The following FAM184A variants were observed in gnomAD, a reference collection of about 807,000 sequenced individuals.
The protein encoded by FAM184A is protein FAM184A.
Under a neutral mutation model 143.8 loss-of-function variants are expected in FAM184A, and 99 were observed. The ratio of observed to expected loss-of-function variants is 0.69; its 90% CI spans 0.58 to 0.81. The LOEUF (loss-of-function observed/expected upper bound fraction) is 0.81, where lower values mean the gene tolerates loss of function less well. Ranked by LOEUF, FAM184A falls within the 40% of genes least tolerant of loss-of-function variation. FAM184A has a pLI of 0.00. For synonymous variants in FAM184A, 427 were observed against 446.4 expected (o/e 0.96, Z 0.55); for missense variants, 1,217 against 1,310.5 (o/e 0.93, Z 1.10).
chr6:119,005,453 AC>A (rs1379164926), intron 7 of FAM184A: 3 of 152,228 alleles, frequency 2.0e-5, no homozygotes, highest in Non-Finnish European at 4.4e-5. Context: ...TTGAAATGTC[AC>A]CAATTCTGAA....
intron 1 of FAM184A, among the ~76,000 whole-genome samples, chr6:119,102,227 T>C (rs777264939): frequency 1.4e-4 from 21 of 152,102 alleles, no homozygotes; most frequent in Non-Finnish European, 2.4e-4. Flanking sequence ...TAATTTTCAA[T>C]GAAAAGAGTG....
chr6:119,009,262 T>TGATATG (rs1785020059), intron 6 of FAM184A, among the ~76,000 whole-genome samples: 1 of 152,224 alleles, frequency 6.6e-6, no homozygotes, highest in Non-Finnish European at 1.5e-5. Flanking sequence ...GGTTTGGCTG[T>TGATATG]GTCCCCACCC....
Position 119,042,182 on chromosome 6 carries a change from A to G in FAM184A, c.160-17369T>C, listed in dbSNP as rs976353980. ...GCCCAGAACCCAGAACCGGGGGTAC[A>G]TGGTAAGATCGGTAAAGCCTGGAAC... On this transcript the variant is annotated intron_variant, in intron 1 of 17. Transcript: ENST00000338891. Among the ~76,000 whole-genome samples the G allele has an allele frequency of 2.0e-5, 3 of 152,212 alleles. No homozygotes were observed. In the South Asian group the frequency reaches 6.2e-4, roughly 32 times the overall value.
chr6:118,975,192 CAT>C lies in FAM184A; in HGVS notation c.2598_2599del (p.Ile866MetfsTer2). On this transcript the variant is annotated frameshift_variant, in exon 13 of 18. Coordinates refer to ENST00000338891, the MANE Select transcript of FAM184A (RefSeq NM_024581.6). LOFTEE classifies it high-confidence loss of function. ...TTCCTCTTGTAGATCTGTAATTCTA[CAT>C]ATGTGCTCCTTACTCTGTTAAAAAA... 1 of 1,590,408 alleles carries C rather than the reference CAT, an allele frequency of 6.3e-7. No individual in the cohort carries two copies. The highest frequency in any genetic ancestry group is 8.6e-7 in the Non-Finnish European group (1 of 1,169,176).
rs951326941 is a variant in FAM184A, at chr6:119,078,417, C to T, written c.-118G>A. The T allele has an allele frequency of 6.6e-5, 71 of 1,073,080 alleles. No homozygotes were observed. In the Admixed American group the frequency reaches 2.8e-3, roughly 42 times the overall value. 66.5% of individuals were successfully genotyped at this position (1,073,080 alleles called of 1,614,324 possible). On this transcript the variant is annotated 5_prime_UTR_variant, in exon 1 of 18. Transcript: ENST00000338891. This position sits in a 1 kb window ranked among gnomAD's most constrained non-coding sequence, Gnocchi z 5.5. ...CGCTTCCCGACCCGACACCCGGCGC[C>T]CCCCAGACTCGGCCGCAGGCGCCGT... is the stretch of plus-strand genomic sequence containing the variant.
At chr6:119,006,222 C>T in intron 7 of FAM184A, 2 of 756,872 alleles carry the variant, frequency 2.6e-6, no homozygotes. Flanking sequence ...TAGGAAGGAA[C>T]ATAGCTGTGC....
intron 1 of FAM184A, among the ~76,000 whole-genome samples, chr6:119,092,900 G>T (rs534252831): frequency 5.3e-5 from 8 of 152,054 alleles, no homozygotes; most frequent in Admixed American, 2.6e-4. Flanking sequence ...TTTGTAGGCT[G>T]CCTATCCATC....
intron 1 of FAM184A, among the ~76,000 whole-genome samples, chr6:119,077,718 T>G (rs954058766): frequency 6.6e-6 from 1 of 152,242 alleles, no homozygotes; most frequent in African/African-American, 2.4e-5. Flanking sequence ...CTTAACTGAG[T>G]AACCAGTAAG....
chr6:118,965,070 T>C (rs900198867), intron 15 of FAM184A, among the ~76,000 whole-genome samples: 4 of 152,204 alleles, frequency 2.6e-5, no homozygotes, highest in Admixed American at 6.5e-5. Flanking sequence ...TGGGCAGGTT[T>C]ACAACTTACA....
chr6:119,079,812 G>A (rs1469305960), upstream of FAM184A, among the ~76,000 whole-genome samples: 2 of 152,116 alleles, frequency 1.3e-5, no homozygotes, highest in South Asian at 2.1e-4. Flanking sequence ...AGGTTTAATC[G>A]GACCCTGAAA....
chr6:119,130,876 G>C (rs1337435469), intron 1 of FAM184A, among the ~76,000 whole-genome samples: 1 of 86,488 alleles, frequency 1.2e-5, no homozygotes, highest in Non-Finnish European at 2.5e-5. Context: ...TTTTTTTTTT[G>C]AGATGGAGTC....
At chr6:119,141,346 C>T (rs1582650700) in intron 1 of FAM184A, among the ~76,000 whole-genome samples, 1 of 152,342 alleles carries the variant, frequency 6.6e-6, no homozygotes, top group Non-Finnish European at 1.5e-5. Flanking sequence ...TCACTTCTTC[C>T]TTCTGGCTGG....
intron 1 of FAM184A, among the ~76,000 whole-genome samples, chr6:119,032,725 C>G (rs1159607911): frequency 6.6e-6 from 1 of 152,100 alleles, no homozygotes; most frequent in African/African-American, 2.4e-5. Flanking sequence ...GAATACATAA[C>G]CACTACATGA....
chr6:119,029,385 C>T (rs916158690), intron 1 of FAM184A, among the ~76,000 whole-genome samples: 2 of 152,140 alleles, frequency 1.3e-5, no homozygotes, highest in Non-Finnish European at 1.5e-5. Flanking sequence ...AAATTTCCCT[C>T]GAAGCTTTGA....
At chr6:119,130,203 C>T (rs1789499343) in intron 1 of FAM184A, among the ~76,000 whole-genome samples, 1 of 152,096 alleles carries the variant, frequency 6.6e-6, no homozygotes, top group Admixed American at 6.6e-5. Flanking sequence ...ACTTAGAGCC[C>T]AAGGAAAATC....
chr6:119,025,501 C>A, intron 1 of FAM184A: 1 of 518,960 alleles, frequency 1.9e-6, no homozygotes, highest in Non-Finnish European at 3.8e-6. Flanking sequence ...TCCAAGCAAC[C>A]CAATTCCTTA....
At chr6:118,960,702 G>T in intron 17 of FAM184A, 1 of 784,358 alleles carries the variant, frequency 1.3e-6, no homozygotes, top group Non-Finnish European at 1.9e-6. Context: ...ATGTTATATA[G>T]TTTATACTTT....
At chr6:119,053,982 T>C (rs1786864177) in intron 1 of FAM184A, among the ~76,000 whole-genome samples, 1 of 152,138 alleles carries the variant, frequency 6.6e-6, no homozygotes, top group African/African-American at 2.4e-5. Context: ...TACGATGTGC[T>C]CCCTACTGAG....
chr6:119,085,824 AG>A (rs1400597019), intron 1 of FAM184A, among the ~76,000 whole-genome samples: 1 of 152,154 alleles, frequency 6.6e-6, no homozygotes, highest in Non-Finnish European at 1.5e-5. Flanking sequence ...ATCATGGAGG[AG>A]GGTGAAGGGG....
Sources: allele counts gnomAD v4.1 joint callset (sites outside exome capture counted in the v4.1 genomes callset), GRCh38; gene constraint gnomAD v4.1.1; non-coding constraint Gnocchi (gnomAD v3.1); transcripts MANE v1.5; gene names NCBI Gene and HGNC (gene_info 2026-07-23, HGNC 2026-07-21).